PRKN: variants seen among roughly 807,000 people sequenced by gnomAD.
The protein encoded by PRKN is E3 ubiquitin-protein ligase parkin.
Under a neutral mutation model 59.5 loss-of-function variants are expected in PRKN, and 56 were observed. The ratio of observed to expected loss-of-function variants is 0.94; its 90% CI spans 0.76 to 1.18. The LOEUF is 1.18. Among genes scored for constraint, PRKN ranks in the 50% most tolerant of loss-of-function variants. The pLI is 0.00. For synonymous variants in PRKN, 250 were observed against 222.1 expected (o/e 1.13, Z -1.12); for missense variants, 657 against 596.4 (o/e 1.10, Z -1.06).
intron 7 of PRKN, among the ~76,000 whole-genome samples, chr6:161,706,855 G>T (rs1181741022): frequency 1.3e-5 from 2 of 152,208 alleles, no homozygotes; most frequent in Non-Finnish European, 2.9e-5. Flanking sequence ...ACCACACCCG[G>T]ACTGACTCAT....
chr6:161,860,363 T>G lies in PRKN; in HGVS notation c.735-74455A>C, dbSNP rs187682015. 2.0e-5 allele frequency among the ~76,000 whole-genome samples: 3 copies of G among 152,340 alleles called. No homozygotes were observed. The East Asian group carries it at 5.8e-4, about 29-fold the overall frequency. The stretch of plus-strand genomic sequence containing the variant: ...AGTTTCAACAAGGGAAATCCATGTA[T>G]GCATGCAATTGTAGAGACTAGGACA... On this transcript the variant is annotated intron_variant, in intron 6 of 11. Transcript: ENST00000366898.
intron 7 of PRKN, among the ~76,000 whole-genome samples, chr6:161,756,173 G>A (rs1276916317): frequency 6.6e-6 from 1 of 152,038 alleles, no homozygotes; most frequent in African/African-American, 2.4e-5. Context: ...CAGACGCGGT[G>A]GCTCATGCCT....
rs553349022 is a variant in PRKN at position 162,229,830 on chromosome 6, G to GAC, written c.413-28580_413-28579dup. Among the ~76,000 whole-genome samples the GAC allele has an allele frequency of 9.2e-5, 14 of 152,266 alleles. No individual in the cohort carries two copies. In the South Asian group the frequency reaches 2.9e-3, roughly 32 times the overall value. ...ATACCTGTATCCTTTCGATCTGTTT[G>GAC]ACATTTCTGTATGGACTCATAACTA... On this transcript the variant is annotated intron_variant, in intron 3 of 11. Transcript: ENST00000366898.
intron 1 of PRKN, among the ~76,000 whole-genome samples, chr6:162,665,706 A>G (rs777961129): frequency 2.0e-5 from 3 of 152,228 alleles, no homozygotes; most frequent in Non-Finnish European, 4.4e-5. Context: ...GAATCAAAGA[A>G]GACCCTGTAT....
chr6:161,951,745 G>A (rs948527186), intron 6 of PRKN, among the ~76,000 whole-genome samples: 5 of 151,700 alleles, frequency 3.3e-5, no homozygotes, highest in Non-Finnish European at 7.4e-5. Flanking sequence ...GTAAAACCCC[G>A]CCTCTACTAA....
chr6:162,065,729 C>G (rs552968494), intron 4 of PRKN, among the ~76,000 whole-genome samples: 1 of 152,148 alleles, frequency 6.6e-6, no homozygotes, highest in African/African-American at 2.4e-5. Context: ...CAGCCCTCCA[C>G]CCCATGGCAG....
intron 1 of PRKN, 130 bp downstream of exon 1, chr6:162,727,532 A>T: frequency 3.9e-6 from 4 of 1,038,266 alleles, no homozygotes; most frequent in Non-Finnish European, 5.6e-6. Context: ...CGGGCCGGGG[A>T]CGGCACGGGC....
intron 9 of PRKN, among the ~76,000 whole-genome samples, chr6:161,481,661 A>G (rs1262250164): frequency 6.6e-6 from 1 of 152,124 alleles, no homozygotes; most frequent in East Asian, 1.9e-4. Context: ...GGAAAAAAAG[A>G]ACCTTTGCCG....
intron 4 of PRKN, among the ~76,000 whole-genome samples, chr6:162,089,899 A>C (rs916432965): frequency 9.2e-5 from 14 of 152,184 alleles, no homozygotes; most frequent in African/African-American, 3.4e-4. Flanking sequence ...GAGCAGGGGC[A>C]TGGGGTGTGA....
chr6:162,330,638 C>T (rs1053359687), intron 2 of PRKN, among the ~76,000 whole-genome samples: 7 of 152,176 alleles, frequency 4.6e-5, no homozygotes, highest in African/African-American at 9.6e-5. Flanking sequence ...CAAAAAGAAA[C>T]TAAACAGGTA....
chr6:162,022,341 C>T (rs1783240302), intron 5 of PRKN, among the ~76,000 whole-genome samples: 1 of 152,062 alleles, frequency 6.6e-6, no homozygotes, highest in African/African-American at 2.4e-5. Context: ...TACATCTGCG[C>T]CAATATATGT....
intron 6 of PRKN, among the ~76,000 whole-genome samples, chr6:161,972,306 T>C (rs1036494534): frequency 1.3e-5 from 2 of 151,276 alleles, no homozygotes; most frequent in African/African-American, 2.4e-5. Context: ...TTCTTCCTGA[T>C]ATGAGGGCTA....
chr6:161,715,708 C>T (rs1205295729), intron 7 of PRKN, among the ~76,000 whole-genome samples: 1 of 152,150 alleles, frequency 6.6e-6, no homozygotes, highest in Non-Finnish European at 1.5e-5. Context: ...TCAGTTAAAT[C>T]TCAGCTGACA....
At chr6:161,847,136 C>T (rs191656240) in intron 6 of PRKN, among the ~76,000 whole-genome samples, 11 of 152,132 alleles carry the variant, frequency 7.2e-5, no homozygotes, top group Middle Eastern at 3.4e-3. Context: ...GGTGAAACCC[C>T]GTCTCTACTA....
At chr6:162,669,027 T>TA (rs1232984812) in intron 1 of PRKN, among the ~76,000 whole-genome samples, 2 of 152,150 alleles carry the variant, frequency 1.3e-5, no homozygotes, top group African/African-American at 4.8e-5. Context: ...CTAGAGAGGT[T>TA]AAACAATTTG....
At chr6:162,723,633 T>A (rs9356057) in intron 1 of PRKN, among the ~76,000 whole-genome samples, 27,025 of 152,200 alleles carry the variant, frequency 0.18, 3,090 homozygotes, top group East Asian at 0.48. Flanking sequence ...ATTGGGCAAC[T>A]TATTTTGGAA....
intron 6 of PRKN, among the ~76,000 whole-genome samples, chr6:161,806,391 C>A (rs557347438): frequency 1.1e-3 from 166 of 152,320 alleles, no homozygotes; most frequent in Non-Finnish European, 2.0e-3. Flanking sequence ...GCACCCGCAT[C>A]ATTTCTCCTT....
chr6:162,335,712 C>T (rs111482863), intron 2 of PRKN, among the ~76,000 whole-genome samples: 1,736 of 152,086 alleles, frequency 0.011, 17 homozygotes, highest in African/African-American at 0.033. Flanking sequence ...CCTATTTTAT[C>T]GCTCACCAGT....
intron 4 of PRKN, among the ~76,000 whole-genome samples, chr6:162,143,580 A>T (rs74960333): frequency 0.012 from 1,784 of 152,332 alleles, 24 homozygotes; most frequent in South Asian, 0.053. Context: ...AGGTGAATAC[A>T]ATTCATGCTG....
Sources: allele counts gnomAD v4.1 joint callset (sites outside exome capture counted in the v4.1 genomes callset), GRCh38; gene constraint gnomAD v4.1.1; transcripts MANE v1.5; gene names NCBI Gene and HGNC (gene_info 2026-07-23, HGNC 2026-07-21).